The following PCDHGB4 variants were observed in gnomAD, a reference collection of about 807,000 sequenced individuals.
The protein encoded by PCDHGB4 is protocadherin gamma-B4.
PCDHGB4 carries 38 observed loss-of-function variants against 60.5 expected under a neutral mutation model. That is an observed-to-expected ratio of 0.63 (90% CI 0.48 to 0.82). PCDHGB4 has a LOEUF of 0.82. Ranked by LOEUF, PCDHGB4 falls within the 40% of genes least tolerant of loss-of-function variation. The pLI, the probability that PCDHGB4 is intolerant of heterozygous loss-of-function variation, is 0.00. For synonymous variants in PCDHGB4, 456 were observed against 509.7 expected (o/e 0.89, Z 1.42); for missense variants, 1,109 against 1,209.6 (o/e 0.92, Z 1.23).
intron 1 of PCDHGB4, among the ~76,000 whole-genome samples, chr5:141,458,513 G>T (rs968604511): frequency 6.8e-6 from 1 of 146,128 alleles, no homozygotes; most frequent in Non-Finnish European, 1.5e-5. Flanking sequence ...TTGACACTTT[G>T]TTTTTTTTTT....
At chr5:141,488,239 G>A (rs576918071) in intron 1 of PCDHGB4, among the ~76,000 whole-genome samples, 3 of 152,222 alleles carry the variant, frequency 2.0e-5, no homozygotes, top group South Asian at 4.1e-4. Context: ...AACTAGATGC[G>A]GTAAATTGGA....
intron 1 of PCDHGB4, among the ~76,000 whole-genome samples, chr5:141,450,093 G>A (rs1330425383): frequency 2.8e-5 from 4 of 143,748 alleles, no homozygotes; most frequent in East Asian, 2.1e-4. Context: ...TGCAACCTCC[G>A]CCTCCCAGGT....
chr5:141,390,837 T>C (rs1299248607), intron 1 of PCDHGB4: 1 of 163,140 alleles, frequency 6.1e-6, no homozygotes. Flanking sequence ...ATGGACCCCT[T>C]GTGATTATAT....
At chr5:141,433,401 A>ATCTATCTATCTC (rs1444244130) in intron 1 of PCDHGB4, among the ~76,000 whole-genome samples, 15 of 150,598 alleles carry the variant, frequency 1.0e-4, no homozygotes, top group African/African-American at 3.4e-4. Flanking sequence ...CTATCTATCT[A>ATCTATCTATCTC]TCTATTACTT....
chr5:141,419,647 G>C (rs370948584), intron 1 of PCDHGB4: 6 of 1,612,592 alleles, frequency 3.7e-6, no homozygotes, highest in Non-Finnish European at 5.1e-6. Context: ...CCGTGGACGC[G>C]GACTCGGGGC....
At position 141,421,448 on chromosome 5, in the gene PCDHGB4, A is replaced by G. The variant is rs772957069; in HGVS notation, c.2397+31167A>G. On this transcript the variant is annotated intron_variant, in intron 1 of 3. Coordinates refer to ENST00000519479, the MANE Select transcript of PCDHGB4 (RefSeq NM_003736.4). ...CGCATCGTCTCCAGAGGGAAGACAC[A>G]GCTTTTCGCTGTGAATCCGCGAAGC... The G allele has an allele frequency of 7.8e-5, 126 of 1,614,014 alleles. No individual in the cohort carries two copies. The highest frequency in any genetic ancestry group is 1.0e-4 in the Non-Finnish European group (119 of 1,179,944).
At chr5:141,404,947 T>G (rs561446437) in intron 1 of PCDHGB4, 9 of 1,613,826 alleles carry the variant, frequency 5.6e-6, no homozygotes, top group Non-Finnish European at 7.6e-6. Flanking sequence ...TAGCCATAGC[T>G]GACAGCATCC....
At chr5:141,451,703 A>C (rs975120935) in intron 1 of PCDHGB4, among the ~76,000 whole-genome samples, 2 of 152,144 alleles carry the variant, frequency 1.3e-5, no homozygotes, top group Non-Finnish European at 2.9e-5. Context: ...GTAACATGAC[A>C]AAACCCTGCC....
chr5:141,482,546 A>C (rs1489817593), intron 1 of PCDHGB4, among the ~76,000 whole-genome samples: 1 of 151,868 alleles, frequency 6.6e-6, no homozygotes, highest in African/African-American at 2.4e-5. Context: ...AAAAAAAAAA[A>C]AAAGATAATG....
At chr5:141,454,092 T>C (rs552760379) in intron 1 of PCDHGB4, among the ~76,000 whole-genome samples, 2 of 152,316 alleles carry the variant, frequency 1.3e-5, no homozygotes, top group East Asian at 3.9e-4. Flanking sequence ...GAAATTTGAA[T>C]TGAACATAAA....
At chr5:141,394,945 T>A in intron 1 of PCDHGB4, 1 of 1,613,892 alleles carries the variant, frequency 6.2e-7, no homozygotes, top group African/African-American at 1.3e-5. Context: ...GTCGCTGTGC[T>A]TCTGGGGCTC....
At chr5:141,504,352 G>A (rs2099837588) in intron 2 of PCDHGB4, among the ~76,000 whole-genome samples, 3 of 152,016 alleles carry the variant, frequency 2.0e-5, no homozygotes, top group Admixed American at 1.3e-4. Flanking sequence ...TTTGTGCTAG[G>A]TGCTTCAGTA....
At chr5:141,478,644 T>G in intron 1 of PCDHGB4, 1 of 1,552,238 alleles carries the variant, frequency 6.4e-7, no homozygotes, top group South Asian at 1.2e-5. Context: ...GATGAAGATG[T>G]TTTCCTGGTG....
At chr5:141,410,561 G>A (rs201832666) in intron 1 of PCDHGB4, 1 of 1,612,698 alleles carries the variant, frequency 6.2e-7, no homozygotes, top group Non-Finnish European at 8.5e-7. Flanking sequence ...TTCTCCTGGA[G>A]CCTTAATTCC....
intron 1 of PCDHGB4, chr5:141,478,633 T>C: frequency 6.4e-7 from 1 of 1,553,032 alleles, no homozygotes; most frequent in Non-Finnish European, 8.7e-7. Context: ...GTTTTTTTAG[T>C]GATGAAGATG....
At chr5:141,394,009 GTAATTATTATAGA>G (rs780846520) in intron 1 of PCDHGB4, 1 of 1,613,394 alleles carries the variant, frequency 6.2e-7, no homozygotes, top group Non-Finnish European at 8.5e-7. Context: ...AAGTCAATAG[GTAATTATTATAGA>G]TTAGTGACAA....
At chr5:141,433,487 C>T (rs1052153936) in intron 1 of PCDHGB4, among the ~76,000 whole-genome samples, 3 of 152,094 alleles carry the variant, frequency 2.0e-5, no homozygotes, top group African/African-American at 7.2e-5. Context: ...TCCTGCTTCT[C>T]CCTCCCAAAC....
At chr5:141,404,924 G>A in intron 1 of PCDHGB4, 1 of 1,613,908 alleles carries the variant, frequency 6.2e-7, no homozygotes, top group South Asian at 1.1e-5. Flanking sequence ...CTCGGCCACT[G>A]TCACGCTCAC....
At chr5:141,419,751 C>T (rs140649685) in intron 1 of PCDHGB4, 1 of 1,613,900 alleles carries the variant, frequency 6.2e-7, no homozygotes, top group African/African-American at 1.3e-5. Flanking sequence ...ATGGTGCGTG[C>T]TTTGGGTGAC....
Sources: gnomAD v4.1 joint callset for allele counts (sites outside exome capture counted in the v4.1 genomes callset) on GRCh38, gnomAD v4.1.1 for gene constraint, MANE v1.5 for transcripts, NCBI Gene and HGNC (gene_info 2026-07-23, HGNC 2026-07-21) for gene names.